COL14A1: variants seen among roughly 807,000 people sequenced by gnomAD.
The protein encoded by COL14A1 is collagen alpha-1(XIV) chain.
Under a neutral mutation model 230.3 loss-of-function variants are expected in COL14A1, and 136 were observed. That is an observed-to-expected ratio of 0.59 (90% CI 0.51 to 0.68). The LOEUF is 0.68. Among genes scored for constraint, COL14A1 ranks in the 30% least tolerant of loss-of-function variants. The pLI is 0.00. For synonymous variants in COL14A1, 792 were observed against 784.1 expected, an observed-to-expected ratio of 1.01 and a Z score of -0.17; for missense variants, 1,976 against 2,215.8, an observed-to-expected ratio of 0.89 and a Z score of 2.17.
chr8:120,166,353 A>G (rs1238681872), intron 4 of COL14A1, among the ~76,000 whole-genome samples: 6 of 152,210 alleles, frequency 3.9e-5, no homozygotes, highest in Non-Finnish European at 8.8e-5. Flanking sequence ...TATATTTAAA[A>G]TGGATGCTGA....
intron 4 of COL14A1, among the ~76,000 whole-genome samples, chr8:120,166,150 G>A (rs536362341): frequency 6.6e-6 from 1 of 152,238 alleles, no homozygotes; most frequent in South Asian, 2.1e-4. Flanking sequence ...AGTAACTCCC[G>A]AGTAGAGACT....
chr8:120,309,915 T>C, intron 36 of COL14A1, 94 bp from the exon 37 acceptor site: 7 of 1,229,794 alleles, frequency 5.7e-6, no homozygotes, highest in Non-Finnish European at 8.3e-6. Flanking sequence ...TTACATAAAA[T>C]AATAATGAGT....
In COL14A1 at chr8:120,170,457, G is replaced by T. The variant is rs1412830633; in HGVS notation, c.436+2210G>T. ...TAAACATCTGGAGATTTTAGAAGAA[G>T]ATATTTATTTATTATTGATGTCTAA... is the stretch of plus-strand genomic sequence containing the variant. On this transcript the variant is annotated intron_variant, in intron 5 of 47. Transcript: ENST00000297848. 3.9e-5 allele frequency among the ~76,000 whole-genome samples: 6 copies of T among 152,148 alleles called. No individual in the cohort carries two copies. The East Asian group carries it at 7.7e-4, about 20-fold the overall frequency.
chr8:120,267,024 A>C, intron 25 of COL14A1, 141 bp downstream of exon 25: 1 of 684,920 alleles, frequency 1.5e-6, no homozygotes, highest in Non-Finnish European at 2.5e-6. Flanking sequence ...AATGCTTATC[A>C]ACCATGATGG....
At chr8:120,248,897 C>G (rs1202232463) in intron 21 of COL14A1, among the ~76,000 whole-genome samples, 1 of 147,422 alleles carries the variant, frequency 6.8e-6, no homozygotes, top group Non-Finnish European at 1.5e-5. Flanking sequence ...CCTTCAAAAA[C>G]TCCATTAGTT....
At chr8:120,370,828 A>C in intron 47 of COL14A1, 1 of 1,353,426 alleles carries the variant, frequency 7.4e-7, no homozygotes, top group Non-Finnish European at 9.7e-7. Context: ...ATGGACTTCT[A>C]ACATGAGATT....
intron 34 of COL14A1, among the ~76,000 whole-genome samples, chr8:120,292,985 C>G (rs1050068680): frequency 6.6e-6 from 1 of 152,088 alleles, no homozygotes; most frequent in Non-Finnish European, 1.5e-5. Flanking sequence ...ACCTAACAAG[C>G]AGGCTTAACT....
intron 5 of COL14A1, among the ~76,000 whole-genome samples, chr8:120,196,247 G>C (rs1215605048): frequency 6.6e-6 from 1 of 152,152 alleles, no homozygotes; most frequent in East Asian, 1.9e-4. Context: ...CCATTATCTT[G>C]TTCCAAAAGC....
At chr8:120,138,015 T>G (rs1814768529) in intron 1 of COL14A1, among the ~76,000 whole-genome samples, 1 of 152,152 alleles carries the variant, frequency 6.6e-6, no homozygotes, top group Non-Finnish European at 1.5e-5. Context: ...TATGGCCTAT[T>G]TTGTTAAATT....
In COL14A1 at chr8:120,371,792, T is replaced by A. The variant is rs578241373; in HGVS notation, c.*561T>A. The A allele has an allele frequency of 4.7e-4, 185 of 391,428 alleles. No individual in the cohort carries two copies. The highest frequency in any genetic ancestry group is 7.5e-4 in the Non-Finnish European group (165 of 221,242). The allele number at this position is 391,428 out of a possible 1,614,324, so 24.2% of individuals were successfully genotyped here. On this transcript the variant is annotated 3_prime_UTR_variant, in exon 48 of 48. Transcript: ENST00000297848. ...TGTATCCAAAAATCAGCATTTGGAT[T>A]TAAGCTTTCTGAATTTGGTAGTTTA...
At chr8:120,293,234 A>G (rs1405228984) in intron 34 of COL14A1, among the ~76,000 whole-genome samples, 1 of 152,026 alleles carries the variant, frequency 6.6e-6, no homozygotes, top group East Asian at 1.9e-4. Flanking sequence ...AATAACAGAG[A>G]CATATGAGTT....
chr8:120,246,474 G>A (rs1325081405), intron 20 of COL14A1, among the ~76,000 whole-genome samples: 1 of 149,534 alleles, frequency 6.7e-6, no homozygotes, highest in Admixed American at 6.9e-5. Context: ...GTATGTTGCT[G>A]CTAAATAAAT....
intron 1 of COL14A1, 37 bp from the exon 2 acceptor site, chr8:120,147,769 G>A: frequency 9.4e-7 from 1 of 1,066,282 alleles, no homozygotes; most frequent in Non-Finnish European, 1.4e-6. Flanking sequence ...TTTATTTTCA[G>A]CCTTCTCAAA....
At chr8:120,371,122 C>A in intron 47 of COL14A1, 30 bp from the exon 48 acceptor site, 1 of 1,546,254 alleles carries the variant, frequency 6.5e-7, no homozygotes, top group Non-Finnish European at 8.8e-7. Flanking sequence ...CTGGGTGCAG[C>A]AAGTCCCCAC....
chr8:120,315,436 A>T (rs1821187816), intron 38 of COL14A1, 97 bp from the exon 39 acceptor site: 3 of 855,642 alleles, frequency 3.5e-6, no homozygotes, highest in Non-Finnish European at 5.6e-6. Flanking sequence ...TGCAAACGCG[A>T]TTTACTGTGG....
intron 22 of COL14A1, among the ~76,000 whole-genome samples, chr8:120,253,507 T>G (rs1426097894): frequency 6.6e-6 from 1 of 152,234 alleles, no homozygotes; most frequent in Non-Finnish European, 1.5e-5. Flanking sequence ...TTAGTGAGTT[T>G]ATTATTTATT....
At position 120,357,835 on chromosome 8, in the gene COL14A1, G is replaced by A. The variant is rs185585654; in HGVS notation, c.5078-9336G>A. Among the ~76,000 whole-genome samples the A allele has an allele frequency of 7.2e-5, 11 of 152,218 alleles. No individual in the cohort carries two copies. The East Asian group carries it at 7.7e-4, about 11-fold the overall frequency. ...AATGTCAGATGTAGGTTTTCAGAGGGAAACGCAAGATGCAGCTGTGGGCAC... is the reference window on the plus strand; with the variant it reads ...AATGTCAGATGTAGGTTTTCAGAGGAAAACGCAAGATGCAGCTGTGGGCAC... On this transcript the variant is annotated intron_variant, in intron 45 of 47. Transcript: ENST00000297848.
At chr8:120,319,309 A>G (rs1187572381) in intron 40 of COL14A1, among the ~76,000 whole-genome samples, 1 of 152,010 alleles carries the variant, frequency 6.6e-6, no homozygotes, top group African/African-American at 2.4e-5. Context: ...GGTTTGCACC[A>G]TCATGTCTGG....
chr8:120,285,800 TAG>T, intron 32 of COL14A1, 59 bp from the exon 33 acceptor site: 2 of 1,134,888 alleles, frequency 1.8e-6, no homozygotes, highest in Non-Finnish European at 2.5e-6. Context: ...AGTTGAATTT[TAG>T]AAAACAAAAT....
Sources: allele counts gnomAD v4.1 joint callset (sites outside exome capture counted in the v4.1 genomes callset), GRCh38; gene constraint gnomAD v4.1.1; transcripts MANE v1.5; gene names NCBI Gene and HGNC (gene_info 2026-07-23, HGNC 2026-07-21).